PRTG: variants seen among roughly 807,000 people sequenced by gnomAD.
The protein encoded by PRTG is immunoglobulin superfamily, DCC subclass, member 5.
A neutral mutation model predicts 122.5 loss-of-function variants in PRTG; 67 were observed. The ratio of observed to expected loss-of-function variants is 0.55; its 90% CI spans 0.45 to 0.67. PRTG has a LOEUF of 0.67. Among genes scored for constraint, PRTG ranks in the 30% least tolerant of loss-of-function variants. The pLI is 0.00. For synonymous variants in PRTG, 554 were observed against 501.1 expected (o/e 1.11, Z -1.41); for missense variants, 1,435 against 1,415.4 (o/e 1.01, Z -0.22).
intron 2 of PRTG, among the ~76,000 whole-genome samples, chr15:55,718,213 T>G (rs2030672244): frequency 6.6e-6 from 1 of 152,156 alleles, no homozygotes; most frequent in African/African-American, 2.4e-5. Flanking sequence ...TGGTTCCAAA[T>G]AGCCAGAAAA....
At chr15:55,640,418 A>G (rs979330315) in intron 12 of PRTG, among the ~76,000 whole-genome samples, 1 of 152,192 alleles carries the variant, frequency 6.6e-6, no homozygotes, top group Non-Finnish European at 1.5e-5. Flanking sequence ...GTGCGTGACT[A>G]TATTACTGAT....
chr15:55,706,784 G>A lies in PRTG; in HGVS notation c.398-22853C>T, dbSNP rs527357737. Among the ~76,000 whole-genome samples the A allele has an allele frequency of 2.3e-3, 343 of 152,070 alleles. 1 individual carries two copies. Among genetic ancestry groups the A allele is most frequent in the African/African-American group, 7.8e-3 (325 of 41,488 alleles). The stretch of plus-strand genomic sequence containing the variant: ...CTTGTCTCTTAAAAAAGAGAGAGAG[G>A]AGAGGGAGAGCGAGGCAGGGTAGAG... On this transcript the variant is annotated intron_variant, in intron 2 of 19. Transcript: ENST00000389286.
chr15:55,653,319 T>C (rs138797162), intron 11 of PRTG, among the ~76,000 whole-genome samples: 1 of 152,056 alleles, frequency 6.6e-6, no homozygotes, highest in Non-Finnish European at 1.5e-5. Context: ...CCCCATAGGG[T>C]CTTAAGACAA....
chr15:55,706,250 A>C (rs1404958122), intron 2 of PRTG, among the ~76,000 whole-genome samples: 1 of 151,990 alleles, frequency 6.6e-6, no homozygotes, highest in Admixed American at 6.6e-5. Flanking sequence ...AGGATGCTAC[A>C]ACAACTACTG....
chr15:55,724,755 C>T (rs2030963827), intron 2 of PRTG, among the ~76,000 whole-genome samples: 1 of 149,922 alleles, frequency 6.7e-6, no homozygotes, highest in African/African-American at 2.5e-5. Flanking sequence ...AAGACACAGT[C>T]TCAAAAAAAA....
At chr15:55,723,749 TTTC>T (rs1308037720) in intron 2 of PRTG, among the ~76,000 whole-genome samples, 3 of 103,010 alleles carry the variant, frequency 2.9e-5, no homozygotes, top group Non-Finnish European at 6.9e-5. Context: ...TCTTTTCTTT[TTTC>T]TTTTTTTTTT....
rs1237041084 is a variant in PRTG at position 55,677,780 on chromosome 15, C to T, written c.1381+17G>A. On this transcript the variant is annotated intron_variant, in intron 8 of 19. Coordinates refer to ENST00000389286, the MANE Select transcript of PRTG (RefSeq NM_173814.6). ...AGCAAGGAGTACTTAAAAATAAGCA[C>T]TCCTAAAATCGCTTACCTTCTGCTT... The T allele has an allele frequency of 1.9e-6, 3 of 1,610,608 alleles. No homozygotes were observed. The Admixed American group carries it at 5.0e-5, about 27-fold the overall frequency.
Position 55,679,249 on chromosome 15 carries a change from AT to A in PRTG, c.1133+36del, listed in dbSNP as rs764227521. The A allele has an allele frequency of 2.8e-6, 4 of 1,411,644 alleles. No homozygotes were observed. The East Asian group carries it at 9.2e-5, about 33-fold the overall frequency. The allele number at this position is 1,411,644 out of a possible 1,614,324, so 87.4% of individuals were successfully genotyped here. A position where few individuals can be genotyped will look rare whatever the true frequency, so the allele number is the denominator to read the frequency against. ...ACATAAAAATTACTAAAGCCATTAT[AT>A]CATATATAAAATGGTAGCAAAGTTA... On this transcript the variant is annotated intron_variant, in intron 7 of 19. Transcript: ENST00000389286.
chr15:55,678,486 T>C (rs1463457574), intron 7 of PRTG, among the ~76,000 whole-genome samples: 1 of 152,196 alleles, frequency 6.6e-6, no homozygotes, highest in Admixed American at 6.5e-5. Context: ...GCTGAAGTGA[T>C]CTTCCCACCT....
chr15:55,625,057 T>C (rs2059187255), intron 17 of PRTG, among the ~76,000 whole-genome samples: 1 of 152,172 alleles, frequency 6.6e-6, no homozygotes. Flanking sequence ...ACAAAACATA[T>C]AAACTGAAAA....
intron 15 of PRTG, among the ~76,000 whole-genome samples, chr15:55,636,810 C>A (rs1180720102): frequency 1.3e-5 from 2 of 152,098 alleles, no homozygotes; most frequent in Admixed American, 6.6e-5. Context: ...TCACACCCAG[C>A]TAATTTTTGT....
At chr15:55,649,549 C>T (rs1454881838) in intron 11 of PRTG, among the ~76,000 whole-genome samples, 2 of 152,024 alleles carry the variant, frequency 1.3e-5, no homozygotes, top group Non-Finnish European at 2.9e-5. Flanking sequence ...CTTTGGGGGG[C>T]CAAGGCGGGT....
At chr15:55,620,612 C>A in intron 19 of PRTG, 51 bp downstream of exon 19, 1 of 1,540,796 alleles carries the variant, frequency 6.5e-7, no homozygotes. Context: ...TTTAAATCAT[C>A]ATTTCATATA....
chr15:55,717,463 G>A (rs1318278996), intron 2 of PRTG, among the ~76,000 whole-genome samples: 1 of 152,160 alleles, frequency 6.6e-6, no homozygotes, highest in Non-Finnish European at 1.5e-5. Flanking sequence ...CACAGTGAAG[G>A]TTTCTGGGAT....
At position 55,620,272 on chromosome 15, in the gene PRTG, C is replaced by T; in HGVS notation, c.3199-6G>A. On this transcript the variant is annotated splice_region_variant and splice_polypyrimidine_tract_variant and intron_variant, in intron 19 of 19. Transcript: ENST00000389286. ...GGAGTAAATCTTCTTTGAGGCTAGG[C>T]AAAAAAAGATAAGATGGCAATGAGA... 1 of 1,605,104 alleles carries T rather than the reference C, an allele frequency of 6.2e-7. No homozygotes were observed. Among genetic ancestry groups the T allele is most frequent in the Non-Finnish European group, 8.5e-7 (1 of 1,177,326 alleles).
At chr15:55,714,387 C>A (rs567452176) in intron 2 of PRTG, among the ~76,000 whole-genome samples, 2 of 151,722 alleles carry the variant, frequency 1.3e-5, no homozygotes, top group Non-Finnish European at 2.9e-5. Flanking sequence ...CCCCCACCCC[C>A]CCGCTAGTTT....
chr15:55,700,624 A>G (rs2059656610), intron 2 of PRTG, among the ~76,000 whole-genome samples: 1 of 152,074 alleles, frequency 6.6e-6, no homozygotes, highest in African/African-American at 2.4e-5. Flanking sequence ...TCAACAAAAA[A>G]TAAACAACTA....
At chr15:55,719,602 C>T (rs1221206649) in intron 2 of PRTG, among the ~76,000 whole-genome samples, 3 of 151,974 alleles carry the variant, frequency 2.0e-5, no homozygotes, top group Non-Finnish European at 4.4e-5. Context: ...CTGACAATAA[C>T]CAGGACATTG....
intron 17 of PRTG, 67 bp from the exon 18 acceptor site, chr15:55,624,574 G>T: frequency 7.4e-7 from 1 of 1,358,718 alleles, no homozygotes; most frequent in Non-Finnish European, 1.0e-6. Context: ...GAACCACCTG[G>T]CCTATCAACA....
Sources: gnomAD v4.1 joint callset for allele counts (sites outside exome capture counted in the v4.1 genomes callset) on GRCh38, gnomAD v4.1.1 for gene constraint, MANE v1.5 for transcripts, NCBI Gene and HGNC (gene_info 2026-07-23, HGNC 2026-07-21) for gene names.